GRIA4: variants seen among roughly 807,000 people sequenced by gnomAD.
The protein encoded by GRIA4 is glutamate ionotropic receptor AMPA type subunit 4.
Under a neutral mutation model 104.0 loss-of-function variants are expected in GRIA4, and 34 were observed. That is an observed-to-expected ratio of 0.33 (90% CI 0.25 to 0.44). The LOEUF (loss-of-function observed/expected upper bound fraction) is 0.44. Ranked by LOEUF, GRIA4 falls within the 20% of genes least tolerant of loss-of-function variation. The pLI is 1.00. For missense variants in GRIA4, 750 were observed against 1,096.5 expected (o/e 0.68, Z 4.46); for synonymous variants, 386 against 381.9 (o/e 1.01, Z -0.13).
intron 14 of GRIA4, among the ~76,000 whole-genome samples, chr11:105,949,278 C>T (rs1222695233): frequency 6.6e-6 from 1 of 152,160 alleles, no homozygotes; most frequent in Non-Finnish European, 1.5e-5. Context: ...CATATCAGGA[C>T]TTCCCAAAAT....
intron 14 of GRIA4, among the ~76,000 whole-genome samples, chr11:105,967,306 A>G (rs1188079229): frequency 1.3e-5 from 2 of 152,220 alleles, no homozygotes; most frequent in African/African-American, 4.8e-5. Flanking sequence ...ATAAGCAAGC[A>G]TAACAGAAAC....
intron 14 of GRIA4, among the ~76,000 whole-genome samples, chr11:105,940,505 G>A (rs1449400168): frequency 6.6e-6 from 1 of 152,026 alleles, no homozygotes; most frequent in Non-Finnish European, 1.5e-5. Flanking sequence ...AGGGAGTTAT[G>A]GTAATCAGGT....
At chr11:105,660,493 A>G (rs1951975533) in intron 3 of GRIA4, among the ~76,000 whole-genome samples, 1 of 151,756 alleles carries the variant, frequency 6.6e-6, no homozygotes, top group Admixed American at 6.6e-5. Flanking sequence ...ATTTTCAGAT[A>G]TGCTTGAACA....
chr11:105,854,788 T>C lies in GRIA4; in HGVS notation c.488-7236T>C, dbSNP rs116013780. Among the ~76,000 whole-genome samples the C allele has an allele frequency of 3.6e-3, 543 of 152,254 alleles. 5 individuals carry two copies. The highest frequency in any genetic ancestry group is 0.012 in the African/African-American group (516 of 41,574). On this transcript the variant is annotated intron_variant, in intron 4 of 16. Transcript: ENST00000282499. ...ACATCACAGCCTCATCCTTCCTTGCTAATTTCATCGCTCTCTCTGCATGCT... is the reference window on the plus strand; with the variant it reads ...ACATCACAGCCTCATCCTTCCTTGCCAATTTCATCGCTCTCTCTGCATGCT...
intron 4 of GRIA4, among the ~76,000 whole-genome samples, chr11:105,800,128 T>C (rs1942657778): frequency 6.6e-6 from 1 of 152,188 alleles, no homozygotes; most frequent in East Asian, 1.9e-4. Context: ...ATGGTTCTAG[T>C]GGGATCAAAG....
intron 3 of GRIA4, chr11:105,613,446 A>C (rs1950527529): frequency 6.6e-6 from 1 of 152,208 alleles, no homozygotes; most frequent in Non-Finnish European, 1.5e-5. Flanking sequence ...TAGTTTCTAC[A>C]TACAATTTTG....
chr11:105,833,023 T>A (rs1156580467), intron 4 of GRIA4, among the ~76,000 whole-genome samples: 2 of 152,048 alleles, frequency 1.3e-5, no homozygotes, highest in African/African-American at 4.8e-5. Context: ...TCTTTTTTTA[T>A]AATTTATCAT....
At chr11:105,671,303 T>A (rs1041930806) in intron 3 of GRIA4, among the ~76,000 whole-genome samples, 1 of 152,070 alleles carries the variant, frequency 6.6e-6, no homozygotes, top group Non-Finnish European at 1.5e-5. Flanking sequence ...AAGGAAGAGT[T>A]CAAAGCACTG....
chr11:105,921,986 T>C (rs534618148), intron 11 of GRIA4, among the ~76,000 whole-genome samples: 1 of 152,182 alleles, frequency 6.6e-6, no homozygotes, highest in East Asian at 1.9e-4. Context: ...TTTATATGGC[T>C]ACAACAAAAT....
intron 5 of GRIA4, among the ~76,000 whole-genome samples, chr11:105,874,643 A>T (rs1364382233): frequency 1.3e-5 from 2 of 152,080 alleles, no homozygotes; most frequent in Non-Finnish European, 2.9e-5. Flanking sequence ...TATCCCTTGC[A>T]AGTTGGATTC....
At chr11:105,904,193 G>A (rs529857325) in intron 8 of GRIA4, among the ~76,000 whole-genome samples, 2 of 152,278 alleles carry the variant, frequency 1.3e-5, no homozygotes, top group East Asian at 3.9e-4. Context: ...GATAAGCTAG[G>A]TTATGTTGCA....
chr11:105,719,393 A>G (rs1954217145), intron 3 of GRIA4, among the ~76,000 whole-genome samples: 1 of 152,140 alleles, frequency 6.6e-6, no homozygotes, highest in Admixed American at 6.6e-5. Context: ...TCCTCTCATC[A>G]AATTAGTAAT....
chr11:105,916,199 A>C (rs1947399448), intron 10 of GRIA4, among the ~76,000 whole-genome samples: 1 of 152,130 alleles, frequency 6.6e-6, no homozygotes, highest in African/African-American at 2.4e-5. Flanking sequence ...AAAAACAAAA[A>C]CAAAACAAAA....
At chr11:105,767,744 G>A (rs1481466467) in intron 4 of GRIA4, among the ~76,000 whole-genome samples, 2 of 152,052 alleles carry the variant, frequency 1.3e-5, no homozygotes, top group Non-Finnish European at 2.9e-5. Context: ...ATTCTAATGA[G>A]GTAGGTGGTA....
chr11:105,866,547 G>GTATA (rs1240615789), intron 5 of GRIA4, among the ~76,000 whole-genome samples: 270 of 42,540 alleles, frequency 6.3e-3, no homozygotes, highest in Middle Eastern at 0.022. Flanking sequence ...GTGTGTGTGT[G>GTATA]TGTGTATATA....
intron 3 of GRIA4, among the ~76,000 whole-genome samples, chr11:105,723,747 G>A (rs1937997340): frequency 6.6e-6 from 1 of 152,056 alleles, no homozygotes; most frequent in Non-Finnish European, 1.5e-5. Context: ...AGAAAGTGAT[G>A]AGAACAAGAT....
chr11:105,681,748 T>C (rs1952716289), intron 3 of GRIA4, among the ~76,000 whole-genome samples: 1 of 152,140 alleles, frequency 6.6e-6, no homozygotes, highest in South Asian at 2.1e-4. Context: ...AATAAAATAT[T>C]TGATTAAAAA....
intron 3 of GRIA4, among the ~76,000 whole-genome samples, chr11:105,733,743 C>T (rs1002031209): frequency 1.7e-4 from 26 of 152,100 alleles, no homozygotes; most frequent in Middle Eastern, 3.4e-3. Flanking sequence ...AGTGAGCCAC[C>T]ATGCCTGGCC....
chr11:105,944,023 G>C (rs1164647124), intron 14 of GRIA4, among the ~76,000 whole-genome samples: 1 of 152,142 alleles, frequency 6.6e-6, no homozygotes, highest in Non-Finnish European at 1.5e-5. Context: ...ATATATTATA[G>C]TTGGAGGAAT....
Sources: allele counts gnomAD v4.1 joint callset (sites outside exome capture counted in the v4.1 genomes callset), GRCh38; gene constraint gnomAD v4.1.1; transcripts MANE v1.5; gene names NCBI Gene and HGNC (gene_info 2026-07-23, HGNC 2026-07-21).